Variants in TAF3 observed in about 807,000 individuals in gnomAD.
The protein encoded by TAF3 is TATA-box binding protein associated factor 3, also known as transcription initiation factor TFIID subunit 3.
In TAF3, 7 loss-of-function variants were observed where a neutral mutation model predicts 80.6. That is an observed-to-expected ratio of 0.09 (90% confidence interval 0.05 to 0.16). The LOEUF (loss-of-function observed/expected upper bound fraction) is 0.16, where lower values mean the gene tolerates loss of function less well. Among genes scored for constraint, TAF3 ranks in the 10% least tolerant of loss-of-function variants. The probability of loss-of-function intolerance (pLI) is 1.00; values close to 1 mark genes in which losing one functional copy is unlikely to be tolerated. For missense variants in TAF3, 921 were observed against 1,140.2 expected, an observed-to-expected ratio of 0.81 and a Z score of 2.77; for synonymous variants, 444 against 446.1, an observed-to-expected ratio of 1.00 and a Z score of 0.06.
At chr10:8,002,130 C>G (rs189947535) in intron 4 of TAF3, among the ~76,000 whole-genome samples, 21 of 152,140 alleles carry the variant, frequency 1.4e-4, no homozygotes, top group Non-Finnish European at 3.1e-4. Flanking sequence ...CTCTCTTCTT[C>G]CTATCATCCT....
At chr10:7,960,577 C>T (rs1159448745) in intron 2 of TAF3, among the ~76,000 whole-genome samples, 1 of 152,086 alleles carries the variant, frequency 6.6e-6, no homozygotes, top group Non-Finnish European at 1.5e-5. Flanking sequence ...ATCGCATGTG[C>T]AGAGGTACAG....
At chr10:7,962,640 C>G (rs539149662) in intron 2 of TAF3, among the ~76,000 whole-genome samples, 5 of 152,152 alleles carry the variant, frequency 3.3e-5, no homozygotes, top group Non-Finnish European at 5.9e-5. Flanking sequence ...GACCCTTTGT[C>G]CTGGACTTCA....
intron 2 of TAF3, among the ~76,000 whole-genome samples, chr10:7,943,961 T>G (rs781144788): frequency 1.5e-4 from 23 of 152,180 alleles, no homozygotes; most frequent in Non-Finnish European, 3.1e-4. Context: ...GGGTTCTTTA[T>G]ACTTTGAAAA....
At chr10:7,826,311 G>A (rs1159913159) in intron 2 of TAF3, among the ~76,000 whole-genome samples, 1 of 152,040 alleles carries the variant, frequency 6.6e-6, no homozygotes, top group East Asian at 1.9e-4. Flanking sequence ...TATTTTTATA[G>A]CATGCAAATA....
intron 4 of TAF3, among the ~76,000 whole-genome samples, chr10:7,998,124 C>A (rs981213333): frequency 1.3e-4 from 19 of 151,504 alleles, no homozygotes; most frequent in African/African-American, 4.6e-4. Flanking sequence ...TACTTTAGTG[C>A]CTCTACACCA....
At chr10:7,848,268 T>A (rs1325757586) in intron 2 of TAF3, among the ~76,000 whole-genome samples, 2 of 152,228 alleles carry the variant, frequency 1.3e-5, no homozygotes, top group African/African-American at 4.8e-5. Flanking sequence ...ACTTCTCTAG[T>A]GTACAGTCCT....
At chr10:7,832,479 A>G (rs1836811059) in intron 2 of TAF3, among the ~76,000 whole-genome samples, 1 of 152,162 alleles carries the variant, frequency 6.6e-6, no homozygotes, top group African/African-American at 2.4e-5. Context: ...AGCACACCAC[A>G]ATGTGTAGTA....
chr10:7,837,801 A>C lies in TAF3; in HGVS notation c.409+13241A>C, dbSNP rs35085945. On this transcript the variant is annotated intron_variant, in intron 2 of 6. Transcript: ENST00000344293. Reference sequence around the variant, plus strand: ...GCCACTGCACTCCAGCCTGGGTGACAGAGTGGGACCCTGTCTCAAAAAAAT... The same window carrying C: ...GCCACTGCACTCCAGCCTGGGTGACCGAGTGGGACCCTGTCTCAAAAAAAT... Among the ~76,000 whole-genome samples the C allele has an allele frequency of 5.5e-3, 840 of 152,334 alleles. 8 individuals are homozygous for C. Among genetic ancestry groups the C allele is most frequent in the South Asian group, 0.023 (113 of 4,828 alleles).
chr10:7,989,453 T>C (rs1831813225), intron 4 of TAF3, among the ~76,000 whole-genome samples: 1 of 152,220 alleles, frequency 6.6e-6, no homozygotes, highest in South Asian at 2.1e-4. Context: ...GAAACATCTG[T>C]TTGCATTATT....
intron 2 of TAF3, among the ~76,000 whole-genome samples, chr10:7,861,187 A>G (rs547439693): frequency 1.3e-5 from 2 of 151,896 alleles, no homozygotes; most frequent in Non-Finnish European, 2.9e-5. Context: ...GGTGGTCTCG[A>G]TCTCCTGACC....
chr10:8,009,869 C>A lies in TAF3; in HGVS notation c.2568+539C>A, dbSNP rs965408455. ...CTCCTGACCTAAGGTGATCCACCCGCCTCGGCCTCCCAAAGTGTGGGATTA... is the reference window on the plus strand; with the variant it reads ...CTCCTGACCTAAGGTGATCCACCCGACTCGGCCTCCCAAAGTGTGGGATTA... On this transcript the variant is annotated intron_variant, in intron 5 of 6. Transcript: ENST00000344293. This position sits in a 1 kb window ranked among gnomAD's most constrained non-coding sequence, Gnocchi z 4.1. Among the ~76,000 whole-genome samples, 1 of 152,036 alleles carries A rather than the reference C, an allele frequency of 6.6e-6. No homozygotes were observed. Among genetic ancestry groups the A allele is most frequent in the Non-Finnish European group, 1.5e-5 (1 of 68,000 alleles).
intron 3 of TAF3, among the ~76,000 whole-genome samples, chr10:7,968,515 G>A (rs143943770): frequency 2.0e-5 from 3 of 152,252 alleles, no homozygotes; most frequent in Non-Finnish European, 4.4e-5. Context: ...TAATCCTTAA[G>A]TATTTCATCT....
Position 8,009,794 on chromosome 10 carries a change from TG to T in TAF3, c.2568+465del, listed in dbSNP as rs1328664544. Among the ~76,000 whole-genome samples, 1 of 152,036 alleles carries T rather than the reference TG, an allele frequency of 6.6e-6. No homozygotes were observed. The highest frequency in any genetic ancestry group is 1.5e-5 in the Non-Finnish European group (1 of 68,010). Reference sequence around the variant, plus strand: ...GTGCCACCACACCTGGCCAATTTTTTGTATTTTTAGTAGAAACGGTTTCACC... The same window carrying T: ...GTGCCACCACACCTGGCCAATTTTTTTATTTTTAGTAGAAACGGTTTCACC... On this transcript the variant is annotated intron_variant, in intron 5 of 6. Coordinates refer to ENST00000344293, the MANE Select transcript of TAF3 (RefSeq NM_031923.4). The surrounding 1 kb of genome is among the most constrained non-coding windows in gnomAD (Gnocchi z 4.1).
chr10:7,826,102 G>A (rs1305256188), intron 2 of TAF3, among the ~76,000 whole-genome samples: 1 of 152,172 alleles, frequency 6.6e-6, no homozygotes, highest in Non-Finnish European at 1.5e-5. Flanking sequence ...CTGTGTGTCA[G>A]GGTTGCCTCA....
chr10:7,838,274 A>G (rs1836872153), intron 2 of TAF3, among the ~76,000 whole-genome samples: 1 of 152,114 alleles, frequency 6.6e-6, no homozygotes, highest in Admixed American at 6.6e-5. Context: ...CTCTCTCCCC[A>G]TTTTGGCCTT....
intron 4 of TAF3, among the ~76,000 whole-genome samples, chr10:7,982,559 C>T (rs1052466402): frequency 3.0e-4 from 46 of 152,100 alleles, no homozygotes; most frequent in Non-Finnish European, 7.4e-5. Context: ...CCACCATGCC[C>T]GGCTAATTTT....
chr10:7,877,867 C>A (rs949364490), intron 2 of TAF3, among the ~76,000 whole-genome samples: 1 of 151,990 alleles, frequency 6.6e-6, no homozygotes, highest in South Asian at 2.1e-4. Context: ...GTTTATACAC[C>A]GTGTGTGTTA....
intron 4 of TAF3, 97 bp from the exon 5 acceptor site, chr10:8,008,981 C>T: frequency 6.8e-7 from 1 of 1,465,154 alleles, no homozygotes. Context: ...TATTTCGCTA[C>T]TGGAAGAAAA....
chr10:7,831,516 T>C (rs952479759), intron 2 of TAF3, among the ~76,000 whole-genome samples: 9 of 152,192 alleles, frequency 5.9e-5, no homozygotes, highest in South Asian at 2.1e-4. Flanking sequence ...CGGCTAATTT[T>C]TGTATTTTTA....
Sources: gnomAD v4.1 joint callset for allele counts (sites outside exome capture counted in the v4.1 genomes callset) on GRCh38, gnomAD v4.1.1 for gene constraint, Gnocchi (gnomAD v3.1) non-coding constraint, MANE v1.5 for transcripts, NCBI Gene and HGNC (gene_info 2026-07-23, HGNC 2026-07-21) for gene names.